IL18RAP: variants seen among roughly 807,000 people sequenced by gnomAD.
IL18RAP encodes the protein interleukin 18 receptor accessory protein.
IL18RAP carries 37 observed loss-of-function variants against 58.1 expected under a neutral mutation model. That is an observed-to-expected ratio of 0.64 (90% CI 0.49 to 0.84). The LOEUF is 0.84. IL18RAP is among the 40% of genes least tolerant of loss of function. IL18RAP has a pLI of 0.00. For missense variants in IL18RAP, 667 were observed against 704.8 expected, an observed-to-expected ratio of 0.95 and a Z score of 0.61; for synonymous variants, 268 against 257.5, an observed-to-expected ratio of 1.04 and a Z score of -0.39.
At chr2:102,431,244 C>T (rs1682331502) in intron 3 of IL18RAP, among the ~76,000 whole-genome samples, 1 of 152,034 alleles carries the variant, frequency 6.6e-6, no homozygotes, top group Non-Finnish European at 1.5e-5. Context: ...TATATCATCC[C>T]ACTCTCTCCT....
chr2:102,441,874 C>T (rs1464429933), intron 5 of IL18RAP, among the ~76,000 whole-genome samples: 6 of 142,366 alleles, frequency 4.2e-5, no homozygotes, highest in African/African-American at 5.4e-5. Flanking sequence ...GGTGGCAGAG[C>T]AAGATTCCAT....
intron 3 of IL18RAP, among the ~76,000 whole-genome samples, chr2:102,431,296 T>G (rs1341457296): frequency 6.6e-6 from 1 of 152,234 alleles, no homozygotes; most frequent in Non-Finnish European, 1.5e-5. Context: ...GATAGCAATA[T>G]TGGGACTTTC....
chr2:102,433,554 ATCTC>A (rs1266679132), intron 3 of IL18RAP, among the ~76,000 whole-genome samples: 1 of 145,754 alleles, frequency 6.9e-6, no homozygotes, highest in Non-Finnish European at 1.5e-5. Flanking sequence ...TTGAGATGGA[ATCTC>A]TCTCTTTGTC....
rs1681795744 is a variant in IL18RAP at position 102,424,392 on chromosome 2, G to A, written c.557G>A (p.Ser186Asn). The A allele has an allele frequency of 6.2e-7, 1 of 1,613,854 alleles. No individual in the cohort carries two copies. Among genetic ancestry groups the A allele is most frequent in the African/African-American group, 1.3e-5 (1 of 74,904 alleles). The change falls in exon 3 of 10, where the codon AGT becomes AAT. Residue 186 changes from serine (S) to asparagine (N), a missense_variant. Physicochemically the swap from Ser to Asn is conservative, Grantham distance 46. Transcript: ENST00000687160. ...PSLSCQSDAQ[S>N]PAVTWYKNGK... ...CTCAGCTGCCAAAGTGATGCACAAA[G>A]TCCAGCGGTAACCTGGTACAAGGTA...
intron 3 of IL18RAP, among the ~76,000 whole-genome samples, chr2:102,436,982 G>A (rs1258776692): frequency 6.6e-6 from 1 of 151,986 alleles, no homozygotes; most frequent in Non-Finnish European, 1.5e-5. Context: ...CAGGTTTGGA[G>A]GTTTGACTCT....
chr2:102,444,856 T>G (rs1004307094), intron 6 of IL18RAP, among the ~76,000 whole-genome samples: 5 of 152,248 alleles, frequency 3.3e-5, no homozygotes, highest in Admixed American at 3.3e-4. Context: ...GAAGAGGGAC[T>G]GATACATAGT....
chr2:102,444,333 C>A (rs902802501), intron 6 of IL18RAP, among the ~76,000 whole-genome samples: 1 of 151,960 alleles, frequency 6.6e-6, no homozygotes, highest in African/African-American at 2.4e-5. Context: ...TTGACATCAC[C>A]CACCCTTGGG....
intron 3 of IL18RAP, among the ~76,000 whole-genome samples, chr2:102,427,777 A>G (rs1682050717): frequency 6.6e-6 from 1 of 152,012 alleles, no homozygotes; most frequent in African/African-American, 2.4e-5. Flanking sequence ...TTTGCCCATA[A>G]CAGTGCTGTA....
intron 9 of IL18RAP, 59 bp downstream of exon 9, chr2:102,451,080 C>T: frequency 3.7e-6 from 5 of 1,368,684 alleles, no homozygotes; most frequent in Non-Finnish European, 3.9e-6. Context: ...ATGCAATCCC[C>T]AAGTCTTTTT....
At chr2:102,445,438 T>C in intron 7 of IL18RAP, 98 bp downstream of exon 7, 1 of 1,255,202 alleles carries the variant, frequency 8.0e-7, no homozygotes, top group Non-Finnish European at 1.1e-6. Flanking sequence ...AGCGATTACA[T>C]TTTCTAGGTG....
chr2:102,427,251 C>T (rs1682008695), intron 3 of IL18RAP, among the ~76,000 whole-genome samples: 1 of 152,110 alleles, frequency 6.6e-6, no homozygotes, highest in Non-Finnish European at 1.5e-5. Flanking sequence ...TGATTTCAAT[C>T]TCTTTGGATA....
chr2:102,436,177 C>T (rs1045834413), intron 3 of IL18RAP, among the ~76,000 whole-genome samples: 6 of 152,038 alleles, frequency 3.9e-5, no homozygotes, highest in Non-Finnish European at 7.4e-5. Context: ...AAAAAAGATA[C>T]ATTATTCCCC....
rs777947995 is a variant in IL18RAP, at chr2:102,423,889, AGCCACAGAAATCACATTTCT to A, written c.162_181del (p.His55ThrfsTer8). On this transcript the variant is annotated frameshift_variant, in exon 2 of 10. Coordinates refer to ENST00000687160, the MANE Select transcript of IL18RAP (RefSeq NM_001393487.1). LOFTEE classifies it high-confidence loss of function. ...TTTGTCTTATTTTGTGATTTACCAG[AGCCACAGAAATCACATTTCT>A]GCCACAGAAATCGACTCTCACCAAA... The A allele has an allele frequency of 1.2e-5, 20 of 1,613,990 alleles. No homozygotes were observed. Among genetic ancestry groups the A allele is most frequent in the Admixed American group, 3.3e-5 (2 of 59,996 alleles).
At chr2:102,428,176 T>C (rs899974259) in intron 3 of IL18RAP, among the ~76,000 whole-genome samples, 7 of 151,828 alleles carry the variant, frequency 4.6e-5, no homozygotes, top group Admixed American at 1.3e-4. Flanking sequence ...TTGTTTTGGT[T>C]ATTTGGGGTC....
At chr2:102,440,377 G>A (rs1406396263) in intron 4 of IL18RAP, 1 of 152,224 alleles carries the variant, frequency 6.6e-6, no homozygotes, top group East Asian at 1.9e-4. Flanking sequence ...TATGCCCAAT[G>A]GATTTAGGTG....
Position 102,436,925 on chromosome 2 carries a change from T to C in IL18RAP, c.580-287T>C, listed in dbSNP as rs11465697. On this transcript the variant is annotated intron_variant, in intron 3 of 9. Coordinates refer to ENST00000687160, the MANE Select transcript of IL18RAP (RefSeq NM_001393487.1). The stretch of plus-strand genomic sequence containing the variant: ...AGAATACTCTCAGGGCTCCAAGTCA[T>C]GCATGCTCTGGGAAGTCCTTTGTTA... 8.9e-3 allele frequency among the ~76,000 whole-genome samples: 1,356 copies of C among 152,130 alleles called. 9 individuals are homozygous for C. The highest frequency in any genetic ancestry group is 0.013 in the Non-Finnish European group (875 of 67,986).
Position 102,424,340 on chromosome 2 carries a change from AG to A in IL18RAP, c.506del (p.Ser169ThrfsTer21). 11 of 1,614,046 alleles carry A rather than the reference AG, an allele frequency of 6.8e-6. No individual in the cohort carries two copies. The highest frequency in any genetic ancestry group is 9.3e-6 in the Non-Finnish European group (11 of 1,179,952). ...ASHKQDLLLG[S>X]TGSISCPSLS... The stretch of plus-strand genomic sequence containing the variant: ...ACATAAGCAAGACCTACTTCTTGGG[AG>A]CACTGGCTCTATTTCTTGCCCCAGT... On this transcript the variant is annotated frameshift_variant, in exon 3 of 10. Coordinates refer to ENST00000687160, the MANE Select transcript of IL18RAP (RefSeq NM_001393487.1). LOFTEE classifies it high-confidence loss of function.
At chr2:102,438,457 A>C (rs1482770826) in intron 4 of IL18RAP, among the ~76,000 whole-genome samples, 1 of 152,236 alleles carries the variant, frequency 6.6e-6, no homozygotes, top group African/African-American at 2.4e-5. Flanking sequence ...ATTACATGTT[A>C]TATAGATAAG....
At chr2:102,428,331 A>G (rs1682100730) in intron 3 of IL18RAP, among the ~76,000 whole-genome samples, 1 of 151,208 alleles carries the variant, frequency 6.6e-6, no homozygotes, top group Non-Finnish European at 1.5e-5. Context: ...ATCCATGGAC[A>G]CAGAATACTT....
Sources: gnomAD v4.1 joint callset for allele counts (sites outside exome capture counted in the v4.1 genomes callset) on GRCh38, gnomAD v4.1.1 for gene constraint, MANE v1.5 for transcripts, NCBI Gene and HGNC (gene_info 2026-07-23, HGNC 2026-07-21) for gene names.